ME1: variants seen among roughly 807,000 people sequenced by gnomAD.
ME1 encodes the protein NADP-dependent malic enzyme.
A neutral mutation model predicts 66.4 loss-of-function variants in ME1; 74 were observed. That is an observed-to-expected ratio of 1.11 (90% CI 0.92 to 1.35). ME1 has a LOEUF of 1.35. Ranked by LOEUF, ME1 falls within the 40% of genes most tolerant of loss-of-function variation. The pLI, the probability that ME1 is intolerant of heterozygous loss-of-function variation, is 0.00. For synonymous variants in ME1, 251 were observed against 235.6 expected (o/e 1.07, Z -0.60); for missense variants, 750 against 694.1 (o/e 1.08, Z -0.90).
At chr6:83,324,445 A>T (rs1032129166) in intron 5 of ME1, among the ~76,000 whole-genome samples, 2 of 152,038 alleles carry the variant, frequency 1.3e-5, no homozygotes, top group African/African-American at 4.8e-5. Flanking sequence ...AGCCAGACTA[A>T]TAAAGAAGAA....
At chr6:83,249,144 T>C (rs1006024913) in intron 7 of ME1, among the ~76,000 whole-genome samples, 1 of 152,062 alleles carries the variant, frequency 6.6e-6, no homozygotes, top group Non-Finnish European at 1.5e-5. Context: ...TCAAAAGAAA[T>C]AAAGACTCAG....
chr6:83,316,757 A>G (rs1191537441), intron 5 of ME1, among the ~76,000 whole-genome samples: 1 of 152,076 alleles, frequency 6.6e-6, no homozygotes, highest in Non-Finnish European at 1.5e-5. Context: ...ACACAAATCA[A>G]TTTTACCTCT....
At chr6:83,342,254 C>G (rs1385651494) in intron 5 of ME1, among the ~76,000 whole-genome samples, 3 of 152,210 alleles carry the variant, frequency 2.0e-5, no homozygotes, top group Admixed American at 6.5e-5. Flanking sequence ...TGCTCCCACC[C>G]TGTGGAGTAT....
intron 2 of ME1, among the ~76,000 whole-genome samples, chr6:83,401,554 A>T (rs1769841424): frequency 6.6e-6 from 1 of 152,188 alleles, no homozygotes; most frequent in Non-Finnish European, 1.5e-5. Context: ...CAGCTAAAGG[A>T]AGATGTTATG....
In ME1 at chr6:83,226,722, T is replaced by C. The variant is rs550162756; in HGVS notation, c.1275+613A>G. On this transcript the variant is annotated intron_variant, in intron 11 of 13. Coordinates refer to ENST00000369705, the MANE Select transcript of ME1 (RefSeq NM_002395.6). ...TTCTTTCCAAAATAAACATTTTAGA[T>C]AGATATGACTCAACCTCTATTTTGT... is the stretch of plus-strand genomic sequence containing the variant. 3.7e-4 allele frequency among the ~76,000 whole-genome samples: 57 copies of C among 152,316 alleles called. 1 individual carries two copies. The highest frequency in any genetic ancestry group is 3.1e-3 in the South Asian group (15 of 4,832).
intron 6 of ME1, among the ~76,000 whole-genome samples, chr6:83,281,624 G>A (rs1767289199): frequency 6.6e-6 from 1 of 151,574 alleles, no homozygotes; most frequent in African/African-American, 2.4e-5. Context: ...TGGCCAAGAT[G>A]GTGAAACCCC....
intron 6 of ME1, among the ~76,000 whole-genome samples, chr6:83,255,669 A>G (rs1766751707): frequency 6.6e-6 from 1 of 152,134 alleles, no homozygotes; most frequent in Admixed American, 6.6e-5. Flanking sequence ...TTTATTTAAC[A>G]GTCCATCCTT....
chr6:83,417,052 TTTTGC>T (rs1325964812), intron 1 of ME1, among the ~76,000 whole-genome samples: 1 of 152,108 alleles, frequency 6.6e-6, no homozygotes, highest in East Asian at 1.9e-4. Flanking sequence ...TAAGGTTTTG[TTTTGC>T]TTTGTTTTGC....
intron 3 of ME1, among the ~76,000 whole-genome samples, chr6:83,382,424 G>T (rs1769423660): frequency 6.6e-6 from 1 of 152,016 alleles, no homozygotes; most frequent in South Asian, 2.1e-4. Context: ...GAATCTTCCG[G>T]AAGAATTGAA....
intron 6 of ME1, among the ~76,000 whole-genome samples, chr6:83,255,465 T>C (rs1461884981): frequency 6.6e-6 from 1 of 152,006 alleles, no homozygotes; most frequent in Non-Finnish European, 1.5e-5. Context: ...TCTCCTTTGA[T>C]GAAATGCTTA....
intron 3 of ME1, among the ~76,000 whole-genome samples, chr6:83,380,898 G>A (rs951706193): frequency 3.3e-5 from 5 of 152,102 alleles, no homozygotes; most frequent in Non-Finnish European, 7.4e-5. Context: ...ACATTTTAGT[G>A]GGTGGAATGG....
rs894797242 is a variant in ME1, at chr6:83,361,915, T to C, written c.363-9776A>G. 3.9e-5 allele frequency among the ~76,000 whole-genome samples: 6 copies of C among 152,272 alleles called. No homozygotes were observed. In the South Asian group the frequency reaches 8.3e-4, roughly 21 times the overall value. On this transcript the variant is annotated intron_variant, in intron 3 of 13. Transcript: ENST00000369705. ...CATGAGGAAGTGGCTCACGTGTCCATGGTCTCCACTCCTGCCACCCTGACT... is the reference window on the plus strand; with the variant it reads ...CATGAGGAAGTGGCTCACGTGTCCACGGTCTCCACTCCTGCCACCCTGACT...
At chr6:83,398,235 T>G in intron 3 of ME1, 132 bp downstream of exon 3, 1 of 595,042 alleles carries the variant, frequency 1.7e-6, no homozygotes, top group Non-Finnish European at 2.8e-6. Context: ...TTTCAGAACA[T>G]CCTCTGTACA....
At chr6:83,284,488 A>C (rs930583541) in intron 6 of ME1, among the ~76,000 whole-genome samples, 2 of 152,172 alleles carry the variant, frequency 1.3e-5, no homozygotes, top group African/African-American at 4.8e-5. Flanking sequence ...CATATGCAAA[A>C]ATGCTCGACA....
intron 3 of ME1, among the ~76,000 whole-genome samples, chr6:83,353,986 TTC>T (rs1161307651): frequency 6.6e-6 from 1 of 152,180 alleles, no homozygotes; most frequent in East Asian, 1.9e-4. Context: ...TTGCCTACGT[TTC>T]CTCCTAATCA....
intron 9 of ME1, 43 bp downstream of exon 9, chr6:83,237,674 G>A (rs775471514): frequency 1.8e-6 from 2 of 1,116,534 alleles, no homozygotes; most frequent in Admixed American, 2.1e-5. Context: ...CATCCAGAAT[G>A]GCATAGTTAT....
rs775460791 is a variant in ME1 at position 83,407,840 on chromosome 6, G to A, written c.140C>T (p.Ser47Phe). Reference sequence around the variant, plus strand: ...AACCTGGATCTCCTGACTGTTGAAGGAAGGTGGCAACAATCCATGAATGTT... The same window carrying A: ...AACCTGGATCTCCTGACTGTTGAAGAAAGGTGGCAACAATCCATGAATGTT... ...QLNIHGLLPPSFNSQEIQVLR... is the reference protein window; with the variant it reads ...QLNIHGLLPPFFNSQEIQVLR... The change falls in exon 2 of 14, where the codon TCC (serine) becomes TTC (phenylalanine). Residue 47 changes from serine (S) to phenylalanine (F), a missense_variant. Physicochemically the swap from Ser to Phe is radical, Grantham distance 155. Coordinates refer to ENST00000369705, the MANE Select transcript of ME1 (RefSeq NM_002395.6). The A allele has an allele frequency of 1.5e-5, 24 of 1,613,356 alleles. No individual in the cohort carries two copies. Among genetic ancestry groups the A allele is most frequent in the Non-Finnish European group, 1.9e-5 (23 of 1,179,862 alleles).
rs151296785 is a variant in ME1 at position 83,357,248 on chromosome 6, G to A, written c.363-5109C>T. 7.1e-3 allele frequency among the ~76,000 whole-genome samples: 1,081 copies of A among 152,176 alleles called. 9 individuals carry two copies. Among genetic ancestry groups the A allele is most frequent in the African/African-American group, 0.024 (1,009 of 41,518 alleles). On this transcript the variant is annotated intron_variant, in intron 3 of 13. Coordinates refer to ENST00000369705, the MANE Select transcript of ME1 (RefSeq NM_002395.6). ...ACATTTAACACTTGATTAAAGTGGC[G>A]TCCTCCAGGCTTCTTTACTGCAAAG...
At chr6:83,324,033 T>G (rs61336621) in intron 5 of ME1, among the ~76,000 whole-genome samples, 2 of 151,940 alleles carry the variant, frequency 1.3e-5, no homozygotes, top group Non-Finnish European at 2.9e-5. Context: ...ATTAATAAAC[T>G]CACTCAAAAC....
Sources: allele counts gnomAD v4.1 joint callset (sites outside exome capture counted in the v4.1 genomes callset), GRCh38; gene constraint gnomAD v4.1.1; transcripts MANE v1.5; gene names NCBI Gene and HGNC (gene_info 2026-07-23, HGNC 2026-07-21).